Variants in SEMA3A observed in about 807,000 individuals in gnomAD.
SEMA3A encodes semaphorin 3A.
A neutral mutation model predicts 97.9 loss-of-function variants in SEMA3A; 29 were observed. That is an observed-to-expected ratio of 0.30 (90% CI 0.22 to 0.40). The LOEUF (loss-of-function observed/expected upper bound fraction) is 0.40, where lower values mean the gene tolerates loss of function less well. Ranked by LOEUF, SEMA3A falls within the 10% of genes least tolerant of loss-of-function variation. The pLI is 1.00. For synonymous variants in SEMA3A, 321 were observed against 323.7 expected (o/e 0.99, Z 0.09); for missense variants, 763 against 951.3 (o/e 0.80, Z 2.60).
At chr7:84,045,853 GA>G (rs1397304972) in intron 6 of SEMA3A, among the ~76,000 whole-genome samples, 1 of 151,490 alleles carries the variant, frequency 6.6e-6, no homozygotes, top group Non-Finnish European at 1.5e-5. Context: ...TGATTTAAAA[GA>G]CATTTGAAAT....
intron 12 of SEMA3A, among the ~76,000 whole-genome samples, chr7:83,996,893 T>TTACTC (rs1168151142): frequency 6.6e-6 from 1 of 152,144 alleles, no homozygotes; most frequent in Non-Finnish European, 1.5e-5. Context: ...ATTAAAAATT[T>TTACTC]TACTCTAAAA....
chr7:84,083,883 T>C lies in SEMA3A; in HGVS notation c.454-23325A>G, dbSNP rs914619971. On this transcript the variant is annotated intron_variant, in intron 4 of 16. Coordinates refer to ENST00000265362, the MANE Select transcript of SEMA3A (RefSeq NM_006080.3). ...TTAAATAATTTGGCTCTTTCCGTGA[T>C]AACCTCTGTGGGTTACTGTTATATT... is the stretch of plus-strand genomic sequence containing the variant. Among the ~76,000 whole-genome samples, 84 of 152,080 alleles carry C rather than the reference T, an allele frequency of 5.5e-4. 1 individual carries two copies. Among genetic ancestry groups the C allele is most frequent in the African/African-American group, 2.0e-3 (81 of 41,450 alleles).
At chr7:84,151,149 A>G (rs757405621) in intron 1 of SEMA3A, among the ~76,000 whole-genome samples, 6,263 of 151,476 alleles carry the variant, frequency 0.041, 205 homozygotes, top group Non-Finnish European at 0.065. Flanking sequence ...AAAAAACAGA[A>G]CAGAAAAACT....
At chr7:84,031,280 C>T (rs1791742287) in intron 6 of SEMA3A, among the ~76,000 whole-genome samples, 1 of 151,938 alleles carries the variant, frequency 6.6e-6, no homozygotes, top group East Asian at 1.9e-4. Context: ...TGTGAGCCAC[C>T]GTACCTGGCC....
chr7:84,227,020 A>G (rs1799003236), intron 3 of SEMA3A, among the ~76,000 whole-genome samples: 1 of 152,092 alleles, frequency 6.6e-6, no homozygotes, highest in Non-Finnish European at 1.5e-5. Flanking sequence ...GCTATGCTGT[A>G]CAAGGTTAAT....
chr7:84,064,892 A>C (rs1324767627), intron 4 of SEMA3A, among the ~76,000 whole-genome samples: 1 of 152,176 alleles, frequency 6.6e-6, no homozygotes, highest in Admixed American at 6.5e-5. Flanking sequence ...ATACCCAGGA[A>C]TTGAACTCAG....
At chr7:84,304,215 T>A (rs1801097686) in intron 3 of SEMA3A, among the ~76,000 whole-genome samples, 1 of 152,148 alleles carries the variant, frequency 6.6e-6, no homozygotes, top group South Asian at 2.1e-4. Context: ...ACAAAATAGA[T>A]TCATAACATG....
intron 15 of SEMA3A, among the ~76,000 whole-genome samples, chr7:83,963,601 A>G (rs1161832697): frequency 6.6e-6 from 1 of 152,224 alleles, no homozygotes; most frequent in Non-Finnish European, 1.5e-5. Context: ...CATTACATTT[A>G]CAAAATCAAT....
At chr7:84,051,887 C>T (rs925614660) in intron 5 of SEMA3A, among the ~76,000 whole-genome samples, 3 of 150,350 alleles carry the variant, frequency 2.0e-5, no homozygotes, top group Admixed American at 6.6e-5. Flanking sequence ...TACGTCCCAT[C>T]AATACCTAAT....
intron 15 of SEMA3A, among the ~76,000 whole-genome samples, chr7:83,971,412 A>G (rs1018045103): frequency 2.0e-5 from 3 of 147,888 alleles, no homozygotes; most frequent in South Asian, 2.2e-4. Flanking sequence ...AGCTTGGGCA[A>G]TAAGAGCGAA....
rs192357757 is a variant in SEMA3A, at chr7:83,959,571, A to C, written c.*1800T>G. 9 of 152,194 alleles carry C rather than the reference A, an allele frequency of 5.9e-5. No homozygotes were observed. The highest frequency in any genetic ancestry group is 2.2e-4 in the African/African-American group (9 of 41,560). The allele number at this position is 152,194 out of a possible 1,614,324, so 9.4% of individuals were successfully genotyped here. A position where few individuals can be genotyped will look rare whatever the true frequency, so the allele number is the denominator to read the frequency against. On this transcript the variant is annotated 3_prime_UTR_variant, in exon 17 of 17. Transcript: ENST00000265362. ...TGGCAACAACTTGTTTATTCAAGGC[A>C]GTCATTAAAACTGAAACATGAGCTT...
At chr7:84,283,070 A>G (rs1005670378) in intron 3 of SEMA3A, among the ~76,000 whole-genome samples, 9 of 152,226 alleles carry the variant, frequency 5.9e-5, no homozygotes, top group African/African-American at 2.2e-4. Context: ...TTATTTACAG[A>G]AAAATAAGCA....
rs183604353 is a variant in SEMA3A at position 84,254,629 on chromosome 7, A to T, written c.-83+52578T>A. 1.5e-3 allele frequency among the ~76,000 whole-genome samples: 230 copies of T among 152,280 alleles called. 1 individual carries two copies. The highest frequency in any genetic ancestry group is 5.3e-3 in the African/African-American group (220 of 41,568). On this transcript the variant is annotated intron_variant, in intron 3 of 3. Coordinates refer to the SEMA3A transcript ENST00000424555. ...TTGACACCTCTTCTTTAAAAATTTA[A>T]GCAGTTTTACTACAGTATAATGATT...
At chr7:84,346,522 A>T (rs1044220395) in intron 2 of SEMA3A, among the ~76,000 whole-genome samples, 1 of 152,138 alleles carries the variant, frequency 6.6e-6, no homozygotes, top group African/African-American at 2.4e-5. Flanking sequence ...CAGGCTATTA[A>T]TTGGCCTAAT....
intron 6 of SEMA3A, among the ~76,000 whole-genome samples, chr7:84,019,528 CG>C (rs111434635): frequency 0.31 from 46,525 of 151,866 alleles, 8,040 homozygotes; most frequent in East Asian, 0.61. Flanking sequence ...TTTTTAATGA[CG>C]TGTCTTTAAA....
chr7:84,238,838 C>T (rs768290522), intron 3 of SEMA3A, among the ~76,000 whole-genome samples: 1 of 152,022 alleles, frequency 6.6e-6, no homozygotes, highest in Non-Finnish European at 1.5e-5. Flanking sequence ...ACTCAGCCTC[C>T]CGAGTAGCTG....
At chr7:84,064,993 T>C (rs1199290891) in intron 4 of SEMA3A, among the ~76,000 whole-genome samples, 1 of 152,156 alleles carries the variant, frequency 6.6e-6, no homozygotes, top group Non-Finnish European at 1.5e-5. Context: ...ACCACACCTA[T>C]TCCAAAATTG....
chr7:84,426,760 C>G (rs1353900006), intron 1 of SEMA3A, among the ~76,000 whole-genome samples: 3 of 152,050 alleles, frequency 2.0e-5, no homozygotes, highest in African/African-American at 7.2e-5. Context: ...GTTATAACTT[C>G]TACCACTAAT....
intron 6 of SEMA3A, among the ~76,000 whole-genome samples, chr7:84,036,634 A>T (rs1791949943): frequency 6.6e-6 from 1 of 152,154 alleles, no homozygotes; most frequent in African/African-American, 2.4e-5. Context: ...GAAAATCAAA[A>T]ATTTAAAAAG....
Sources: allele counts gnomAD v4.1 joint callset (sites outside exome capture counted in the v4.1 genomes callset), GRCh38; gene constraint gnomAD v4.1.1; transcripts MANE v1.5; gene names NCBI Gene and HGNC (gene_info 2026-07-23, HGNC 2026-07-21).